IGF1R: variants seen among roughly 807,000 people sequenced by gnomAD.
IGF1R encodes the protein insulin like growth factor 1 receptor.
Under a neutral mutation model 144.6 loss-of-function variants are expected in IGF1R, and 44 were observed. That is an observed-to-expected ratio of 0.30 (90% CI 0.24 to 0.39). IGF1R has a LOEUF of 0.39. Among genes scored for constraint, IGF1R ranks in the 10% least tolerant of loss-of-function variants. The pLI is 1.00. For missense variants in IGF1R, 1,355 were observed against 1,833.7 expected (o/e 0.74, Z 4.77); for synonymous variants, 795 against 722.8 (o/e 1.10, Z -1.60).
intron 2 of IGF1R, among the ~76,000 whole-genome samples, chr15:98,801,083 T>TC (rs1237166072): frequency 6.6e-6 from 1 of 152,034 alleles, no homozygotes; most frequent in African/African-American, 2.4e-5. Context: ...GGCTTTGTCA[T>TC]CCCCGGGGAC....
At chr15:98,913,342 C>T in intron 8 of IGF1R, 60 bp downstream of exon 8, 6 of 1,310,654 alleles carry the variant, frequency 4.6e-6, no homozygotes, top group Non-Finnish European at 6.6e-6. Flanking sequence ...ACTGGCCTTG[C>T]TTGTACCAGG....
In IGF1R at chr15:98,916,115, C is replaced by T; in HGVS notation, c.1980C>T (p.His660=). The change falls in exon 9 of 21, where the codon CAC becomes CAT. Residue 660 remains histidine (H), a synonymous_variant. Coordinates refer to ENST00000650285, the MANE Select transcript of IGF1R (RefSeq NM_000875.5). ...RQPQDGYLYR[H]NYCSKDKIPI... Reference sequence around the variant, plus strand: ...CTCAGGACGGCTACCTTTACCGGCACAATTACTGCTCCAAAGGTAAGGGTG... The same window carrying T: ...CTCAGGACGGCTACCTTTACCGGCATAATTACTGCTCCAAAGGTAAGGGTG... The T allele has an allele frequency of 1.2e-6, 2 of 1,614,172 alleles. No homozygotes were observed. The highest frequency in any genetic ancestry group is 1.7e-6 in the Non-Finnish European group (2 of 1,180,014).
intron 2 of IGF1R, among the ~76,000 whole-genome samples, chr15:98,876,314 T>TAAA (rs35359680): frequency 0.19 from 27,382 of 143,614 alleles, 3,293 homozygotes; most frequent in East Asian, 0.41. Context: ...TATTAAGAGT[T>TAAA]AAAAAAAAAA....
intron 1 of IGF1R, among the ~76,000 whole-genome samples, chr15:98,693,562 C>T (rs773748894): frequency 1.3e-5 from 2 of 152,180 alleles, no homozygotes; most frequent in African/African-American, 4.8e-5. Context: ...TTTGGGTCGT[C>T]TCCACCTCCC....
rs143880371 is a variant in IGF1R at position 98,894,460 on chromosome 15, C to A, written c.954-2297C>A. ...ATAGTTAGTTAAACTGTGGGACATC[C>A]ACACCATGGAATATTATTACTCAGC... On this transcript the variant is annotated intron_variant, in intron 3 of 20. Transcript: ENST00000650285. 2.0e-5 allele frequency among the ~76,000 whole-genome samples: 3 copies of A among 152,286 alleles called. No homozygotes were observed. In the East Asian group the frequency reaches 5.8e-4, roughly 29 times the overall value.
chr15:98,725,973 A>G (rs902643860), intron 2 of IGF1R, among the ~76,000 whole-genome samples: 1 of 152,184 alleles, frequency 6.6e-6, no homozygotes, highest in Non-Finnish European at 1.5e-5. Context: ...CCCATAACAC[A>G]TGAAAATTCT....
intron 2 of IGF1R, among the ~76,000 whole-genome samples, chr15:98,743,951 T>C (rs1377310485): frequency 6.6e-6 from 1 of 152,076 alleles, no homozygotes; most frequent in Non-Finnish European, 1.5e-5. Flanking sequence ...ATGACAACTA[T>C]GGCAATGCCC....
At chr15:98,911,152 G>A (rs951986012) in intron 6 of IGF1R, among the ~76,000 whole-genome samples, 163 bp from the exon 7 acceptor site, 2 of 152,202 alleles carry the variant, frequency 1.3e-5, no homozygotes, top group African/African-American at 4.8e-5. Context: ...ATAGTGAAAT[G>A]TATGATTTCT....
intron 2 of IGF1R, among the ~76,000 whole-genome samples, chr15:98,829,814 C>T (rs1452989490): frequency 2.6e-5 from 4 of 152,196 alleles, no homozygotes; most frequent in Admixed American, 2.6e-4. Flanking sequence ...CAGAAATGGA[C>T]TAGAATTGAC....
intron 13 of IGF1R, among the ~76,000 whole-genome samples, chr15:98,924,885 C>T (rs1036511357): frequency 6.6e-6 from 1 of 152,150 alleles, no homozygotes; most frequent in Non-Finnish European, 1.5e-5. Flanking sequence ...GCTTTGGGCT[C>T]CTACCTCATG....
At chr15:98,882,695 A>C (rs1440551878) in intron 2 of IGF1R, among the ~76,000 whole-genome samples, 1 of 152,210 alleles carries the variant, frequency 6.6e-6, no homozygotes, top group Non-Finnish European at 1.5e-5. Context: ...GGGTGAAAAT[A>C]TGTAACTCCT....
chr15:98,707,818 G>A lies in IGF1R; in HGVS notation c.351G>A (p.Leu117=). Residue 117 remains leucine, a synonymous_variant, in exon 2 of 21, where the codon CTG becomes CTA. Coordinates refer to ENST00000650285, the MANE Select transcript of IGF1R (RefSeq NM_000875.5). The surrounding 1 kb of genome is among the most constrained non-coding windows in gnomAD (Gnocchi z 6.7). ...GGAAACTCTTCTACAACTACGCCCT[G>A]GTCATCTTCGAGATGACCAATCTCA... The part of the protein sequence containing the change: ...RGWKLFYNYA[L]VIFEMTNLKD... 6.2e-7 allele frequency: 1 copy of A among 1,614,094 alleles called. No individual in the cohort carries two copies. Among genetic ancestry groups the A allele is most frequent in the Non-Finnish European group, 8.5e-7 (1 of 1,180,022 alleles).
intron 12 of IGF1R, 96 bp from the exon 13 acceptor site, chr15:98,924,429 A>T: frequency 9.0e-7 from 1 of 1,111,370 alleles, no homozygotes; most frequent in Non-Finnish European, 1.4e-6. Context: ...AGGTCAGATC[A>T]GGCAGCTGGA....
chr15:98,821,162 C>T (rs2056794415), intron 2 of IGF1R, among the ~76,000 whole-genome samples: 1 of 152,118 alleles, frequency 6.6e-6, no homozygotes, highest in Admixed American at 6.5e-5. Context: ...CTCAGGCGTC[C>T]AAGAGTGTGT....
At chr15:98,878,579 G>T (rs534495706) in intron 2 of IGF1R, among the ~76,000 whole-genome samples, 37 of 140,946 alleles carry the variant, frequency 2.6e-4, no homozygotes, top group South Asian at 2.1e-3. Flanking sequence ...ACGTACACAT[G>T]CCTGTTGCTC....
At position 98,808,675 on chromosome 15, in the gene IGF1R, A is replaced by AT. The variant is rs35643938; in HGVS notation, c.641-82637dup. 6.2e-4 allele frequency among the ~76,000 whole-genome samples: 91 copies of AT among 145,662 alleles called. 1 individual carries two copies. Among genetic ancestry groups the AT allele is most frequent in the Middle Eastern group, 3.5e-3 (1 of 284 alleles). On this transcript the variant is annotated intron_variant, in intron 2 of 20. Transcript: ENST00000650285. Reference sequence around the variant, plus strand: ...TCTAGGGCAGGTATGTTCTTGAAAGATTTTTTTTTTTTTCTTTTTGAAGAG... The same window carrying AT: ...TCTAGGGCAGGTATGTTCTTGAAAGATTTTTTTTTTTTTTCTTTTTGAAGAG...
At chr15:98,875,289 T>C (rs2013000594) in intron 2 of IGF1R, among the ~76,000 whole-genome samples, 1 of 152,118 alleles carries the variant, frequency 6.6e-6, no homozygotes, top group East Asian at 1.9e-4. Flanking sequence ...ATAAGATTTT[T>C]GAAGAAGAGA....
intron 1 of IGF1R, among the ~76,000 whole-genome samples, chr15:98,650,201 A>T (rs376801101): frequency 6.6e-6 from 1 of 151,252 alleles, no homozygotes; most frequent in South Asian, 2.1e-4. Context: ...TCGAGGGGGG[A>T]GGTGCCCTGC....
Position 98,913,131 on chromosome 15 carries a change from C to A in IGF1R, c.1677C>A (p.Asn559Lys). Reference protein sequence around the residue: ...WNMVDVDLPPNKDVEPGILLH... With the variant: ...WNMVDVDLPPKKDVEPGILLH... Reference sequence around the variant, plus strand: ...TGGTGGACGTGGACCTCCCGCCCAACAAGGACGTGGAGCCCGGCATCTTAC... The same window carrying A: ...TGGTGGACGTGGACCTCCCGCCCAAAAAGGACGTGGAGCCCGGCATCTTAC... Residue 559 changes from asparagine (N) to lysine (K), a missense_variant, in exon 8 of 21, where the codon AAC becomes AAA. Asn to Lys is a moderately conservative substitution (Grantham distance 94). Coordinates refer to ENST00000650285, the MANE Select transcript of IGF1R (RefSeq NM_000875.5). 1.9e-6 allele frequency: 3 copies of A among 1,614,234 alleles called. No homozygotes were observed. The highest frequency in any genetic ancestry group is 1.3e-5 in the African/African-American group (1 of 75,074).
Sources: gnomAD v4.1 joint callset for allele counts (sites outside exome capture counted in the v4.1 genomes callset) on GRCh38, gnomAD v4.1.1 for gene constraint, Gnocchi (gnomAD v3.1) non-coding constraint, MANE v1.5 for transcripts, NCBI Gene and HGNC (gene_info 2026-07-23, HGNC 2026-07-21) for gene names.